Variants in AKAP7 observed in about 807,000 individuals in gnomAD.
AKAP7 encodes the protein A kinase (PRKA) anchor protein 7.
AKAP7 carries 39 observed loss-of-function variants against 39.5 expected under a neutral mutation model. The ratio of observed to expected loss-of-function variants is 0.99; its 90% CI spans 0.76 to 1.29. The LOEUF (loss-of-function observed/expected upper bound fraction) is 1.29. Among genes scored for constraint, AKAP7 ranks in the 50% most tolerant of loss-of-function variants. The pLI is 0.00. For synonymous variants in AKAP7, 140 were observed against 139.1 expected, an observed-to-expected ratio of 1.01 and a Z score of -0.05; for missense variants, 414 against 407.7, an observed-to-expected ratio of 1.02 and a Z score of -0.13.
chr6:131,247,587 T>C (rs1399205417), intron 7 of AKAP7, among the ~76,000 whole-genome samples: 16 of 151,876 alleles, frequency 1.1e-4, no homozygotes, highest in Admixed American at 1.0e-3. Context: ...CCTGAAGTGC[T>C]GGGATTACAG....
chr6:131,209,826 A>G (rs535355892), intron 6 of AKAP7, among the ~76,000 whole-genome samples: 2 of 152,286 alleles, frequency 1.3e-5, no homozygotes, highest in African/African-American at 4.8e-5. Flanking sequence ...GGCAACTGGC[A>G]AGTCCCACAG....
At chr6:131,147,960 G>A (rs565037939) in intron 2 of AKAP7, among the ~76,000 whole-genome samples, 2 of 152,318 alleles carry the variant, frequency 1.3e-5, no homozygotes, top group South Asian at 4.1e-4. Context: ...TAGTGTTTCT[G>A]TAGTCACCAT....
At chr6:131,210,166 A>T (rs9492864) in intron 6 of AKAP7, among the ~76,000 whole-genome samples, 43,970 of 152,166 alleles carry the variant, frequency 0.29, 6,819 homozygotes, top group Middle Eastern at 0.4. Flanking sequence ...TTATATCAGA[A>T]TTATACTTCC....
Position 131,283,310 on chromosome 6 carries a change from C to T in AKAP7, c.*1584C>T, listed in dbSNP as rs1428987990. 6 of 152,434 alleles carry T rather than the reference C, an allele frequency of 3.9e-5. No individual in the cohort carries two copies. The highest frequency in any genetic ancestry group is 6.6e-5 in the Admixed American group (1 of 15,266). 9.4% of individuals were successfully genotyped at this position (152,434 alleles called of 1,614,324 possible). A position where few individuals can be genotyped will look rare whatever the true frequency, so the allele number is the denominator to read the frequency against. Reference sequence around the variant, plus strand: ...GAAAGAGCATCTTGAAAAACTTCCCCGGTATGATGATTGTTGGTAACAACT... The same window carrying T: ...GAAAGAGCATCTTGAAAAACTTCCCTGGTATGATGATTGTTGGTAACAACT... On this transcript the variant is annotated 3_prime_UTR_variant, in exon 8 of 8. Coordinates refer to ENST00000431975, the MANE Select transcript of AKAP7 (RefSeq NM_016377.4).
chr6:131,195,981 G>A (rs905264193), intron 5 of AKAP7, among the ~76,000 whole-genome samples: 1 of 151,922 alleles, frequency 6.6e-6, no homozygotes, highest in Non-Finnish European at 1.5e-5. Context: ...GAATATTGAC[G>A]TCTTTCTCCA....
At chr6:131,153,241 G>A (rs1374732918) in intron 2 of AKAP7, among the ~76,000 whole-genome samples, 1 of 152,016 alleles carries the variant, frequency 6.6e-6, no homozygotes, top group East Asian at 1.9e-4. Flanking sequence ...TGGTAAAACT[G>A]TACTGTAGCA....
intron 6 of AKAP7, among the ~76,000 whole-genome samples, chr6:131,208,587 A>G (rs914525101): frequency 4.6e-5 from 7 of 152,200 alleles, no homozygotes; most frequent in African/African-American, 1.7e-4. Context: ...TTCTTTCTGA[A>G]TATCTGTCAG....
intron 6 of AKAP7, among the ~76,000 whole-genome samples, chr6:131,211,523 T>G (rs3850239): frequency 6.6e-6 from 1 of 151,614 alleles, no homozygotes; most frequent in Non-Finnish European, 1.5e-5. Flanking sequence ...CCCAGCACTT[T>G]GGGAGGCTGA....
chr6:131,236,707 G>A (rs1001547159), intron 7 of AKAP7, among the ~76,000 whole-genome samples: 5 of 152,150 alleles, frequency 3.3e-5, no homozygotes, highest in Non-Finnish European at 7.4e-5. Flanking sequence ...CTCTCTGTTT[G>A]TCTGTTATTG....
intron 6 of AKAP7, among the ~76,000 whole-genome samples, chr6:131,218,147 G>T (rs73775936): frequency 6.6e-6 from 1 of 152,058 alleles, no homozygotes; most frequent in African/African-American, 2.4e-5. Context: ...GGAGAGATTA[G>T]GAGTCCAGTT....
At chr6:131,136,433 A>G (rs991478978) in intron 1 of AKAP7, among the ~76,000 whole-genome samples, 1 of 152,242 alleles carries the variant, frequency 6.6e-6, no homozygotes, top group East Asian at 1.9e-4. Flanking sequence ...AGAAGAGTAT[A>G]AAAAGCATAA....
chr6:131,171,729 A>G (rs142444279), intron 5 of AKAP7, among the ~76,000 whole-genome samples: 3 of 152,306 alleles, frequency 2.0e-5, no homozygotes, highest in African/African-American at 7.2e-5. Flanking sequence ...AGTACTATGT[A>G]GGATTTAGCT....
intron 6 of AKAP7, among the ~76,000 whole-genome samples, chr6:131,217,725 G>A (rs774923238): frequency 1.3e-5 from 2 of 152,274 alleles, no homozygotes; most frequent in Non-Finnish European, 2.9e-5. Flanking sequence ...GAAGATTAGA[G>A]TCAATCTCAT....
intron 5 of AKAP7, among the ~76,000 whole-genome samples, chr6:131,169,998 C>CT (rs566031477): frequency 5.2e-4 from 79 of 151,706 alleles, no homozygotes; most frequent in African/African-American, 1.8e-3. Flanking sequence ...TTCCTCTCTT[C>CT]TTGCTTCCAT....
chr6:131,161,644 CAAAAAAAAAAAAAAAAAAAAA>C (rs55744190), intron 3 of AKAP7, among the ~76,000 whole-genome samples: 823 of 33,632 alleles, frequency 0.024, 10 homozygotes, highest in Middle Eastern at 0.12. Context: ...GACTGTATCT[CAAAAAAAAAAAAAAAAAAAAA>C]AAAAAAAAAA....
At chr6:131,181,508 A>T (rs892242147) in intron 5 of AKAP7, among the ~76,000 whole-genome samples, 3 of 151,900 alleles carry the variant, frequency 2.0e-5, no homozygotes, top group African/African-American at 4.8e-5. Flanking sequence ...TTGCTTCCAG[A>T]CTCTTTTTCT....
intron 7 of AKAP7, among the ~76,000 whole-genome samples, chr6:131,261,514 A>C (rs961004334): frequency 6.6e-6 from 1 of 152,170 alleles, no homozygotes; most frequent in Non-Finnish European, 1.5e-5. Context: ...GGTAAATTTA[A>C]CATAAAAATT....
intron 5 of AKAP7, among the ~76,000 whole-genome samples, chr6:131,197,017 A>G (rs1807004873): frequency 6.6e-6 from 1 of 152,000 alleles, no homozygotes; most frequent in Non-Finnish European, 1.5e-5. Flanking sequence ...ATTCTATACT[A>G]TTTTTCCATG....
chr6:131,191,377 G>A (rs937567921), intron 5 of AKAP7, among the ~76,000 whole-genome samples: 3 of 152,154 alleles, frequency 2.0e-5, no homozygotes, highest in Non-Finnish European at 2.9e-5. Flanking sequence ...TAATTTATAT[G>A]AACTCTAAGT....
Sources: allele counts gnomAD v4.1 joint callset (sites outside exome capture counted in the v4.1 genomes callset), GRCh38; gene constraint gnomAD v4.1.1; transcripts MANE v1.5; gene names NCBI Gene and HGNC (gene_info 2026-07-23, HGNC 2026-07-21).